The following CELF2 variants were observed in gnomAD, a reference collection of about 807,000 sequenced individuals.
CELF2 encodes CUGBP Elav-like family member 2, also known as CUG triplet repeat RNA-binding protein 2.
CELF2 carries 8 observed loss-of-function variants against 62.6 expected under a neutral mutation model. The observed-to-expected ratio is 0.13, with a 90% CI of 0.07 to 0.23. The LOEUF (loss-of-function observed/expected upper bound fraction) is 0.23. Among genes scored for constraint, CELF2 ranks in the 10% least tolerant of loss-of-function variants. The pLI, the probability that CELF2 is intolerant of heterozygous loss-of-function variation, is 1.00. For missense variants in CELF2, 333 were observed against 671.0 expected (o/e 0.50, Z 5.56); for synonymous variants, 258 against 250.0 (o/e 1.03, Z -0.30).
chr10:11,128,186 A>G (rs149562409), intron 1 of CELF2, among the ~76,000 whole-genome samples: 7,025 of 152,094 alleles, frequency 0.046, 219 homozygotes, highest in Admixed American at 0.092. Context: ...AGATCAGATG[A>G]TTGTAGATGT....
At chr10:10,578,683 G>T in the CELF2 span, among the ~76,000 whole-genome samples, 2 of 152,062 alleles carry the variant, frequency 1.3e-5, no homozygotes, top group African/African-American at 4.8e-5. Context: ...ACCCAAACCT[G>T]CATTTCTCAG....
chr10:10,534,354 A>T, the CELF2 span, among the ~76,000 whole-genome samples: 3 of 152,252 alleles, frequency 2.0e-5, no homozygotes. Flanking sequence ...CAACTCAGAG[A>T]ACATCTTTGA....
chr10:10,489,907 G>A, the CELF2 span, among the ~76,000 whole-genome samples: 1 of 151,996 alleles, frequency 6.6e-6, no homozygotes, highest in Non-Finnish European at 1.5e-5. Flanking sequence ...AGGTTTGGGG[G>A]GAGGGTGGGT....
At chr10:11,238,068 G>A (rs759011467) in intron 3 of CELF2, among the ~76,000 whole-genome samples, 17 of 152,184 alleles carry the variant, frequency 1.1e-4, no homozygotes, top group Non-Finnish European at 2.1e-4. Context: ...CTGATTTAGC[G>A]CCTGGGTAAG....
the CELF2 span, among the ~76,000 whole-genome samples, chr10:10,723,968 T>C: frequency 1.3e-4 from 20 of 152,292 alleles, 1 homozygote; most frequent in East Asian, 2.9e-3. Context: ...TAATCTTTCA[T>C]ATCAATACGT....
chr10:11,287,092 C>T (rs539343853), intron 8 of CELF2, among the ~76,000 whole-genome samples: 1 of 152,288 alleles, frequency 6.6e-6, no homozygotes, highest in East Asian at 1.9e-4. Context: ...AACATTCTCT[C>T]ATCCCTCCAC....
the CELF2 span, among the ~76,000 whole-genome samples, chr10:10,534,607 A>G: frequency 2.6e-5 from 4 of 152,170 alleles, no homozygotes; most frequent in African/African-American, 9.7e-5. Flanking sequence ...CTCCAACTCA[A>G]TTTCTCTTTC....
the CELF2 span, among the ~76,000 whole-genome samples, chr10:10,661,506 A>G: frequency 1.3e-5 from 2 of 152,360 alleles, no homozygotes; most frequent in Non-Finnish European, 2.9e-5. Context: ...ATATATGTCC[A>G]AGGCCTTTTG....
the CELF2 span, among the ~76,000 whole-genome samples, chr10:10,762,506 TG>T: frequency 2.0e-5 from 3 of 152,160 alleles, no homozygotes; most frequent in African/African-American, 7.2e-5. Flanking sequence ...CCCAGGGTCC[TG>T]GAAGGGGAGT....
At chr10:10,829,235 GA>G (rs1351872036) in intron 1 of CELF2, among the ~76,000 whole-genome samples, 2 of 152,134 alleles carry the variant, frequency 1.3e-5, no homozygotes, top group African/African-American at 4.8e-5. Flanking sequence ...CCTTTCTGAT[GA>G]AAGTTGAAAT....
rs2056567760 is a variant in CELF2, at chr10:11,012,143, T to C, written c.53+6703T>C. 6.6e-6 allele frequency among the ~76,000 whole-genome samples: 1 copy of C among 152,188 alleles called. No homozygotes were observed. The highest frequency in any genetic ancestry group is 2.4e-5 in the African/African-American group (1 of 41,458). ...TCATTCCCATTGTCAATCAACTCTTTGACAGAATGAAATGCTGAATCCAAC... is the reference window on the plus strand; with the variant it reads ...TCATTCCCATTGTCAATCAACTCTTCGACAGAATGAAATGCTGAATCCAAC... On this transcript the variant is annotated intron_variant, in intron 1 of 12. Transcript: ENST00000416382. The surrounding 1 kb of genome is among the most constrained non-coding windows in gnomAD (Gnocchi z 5.5).
At chr10:10,850,223 A>G (rs2059300771) in intron 1 of CELF2, among the ~76,000 whole-genome samples, 1 of 152,224 alleles carries the variant, frequency 6.6e-6, no homozygotes, top group Non-Finnish European at 1.5e-5. Flanking sequence ...GTAGTTTAAT[A>G]ATCTCCAGAA....
At chr10:10,730,195 G>T in the CELF2 span, among the ~76,000 whole-genome samples, 20 of 151,992 alleles carry the variant, frequency 1.3e-4, no homozygotes, top group Non-Finnish European at 2.8e-4. Context: ...TGGATCTTTT[G>T]GCTGGGCACA....
the CELF2 span, among the ~76,000 whole-genome samples, chr10:10,522,482 A>G: frequency 6.6e-6 from 1 of 152,242 alleles, no homozygotes; most frequent in Non-Finnish European, 1.5e-5. Context: ...AGCACGTACC[A>G]TCTACAGGGC....
At chr10:10,796,805 T>C (rs1182738218), upstream of CELF2, 1 of 728,588 alleles carries the variant, frequency 1.4e-6, no homozygotes, top group East Asian at 1.3e-4. Flanking sequence ...GTTATGTAAA[T>C]GTTTGCACAT....
chr10:10,572,974 C>T, the CELF2 span, among the ~76,000 whole-genome samples: 2 of 152,316 alleles, frequency 1.3e-5, no homozygotes, highest in African/African-American at 4.8e-5. Flanking sequence ...TACATTCCCA[C>T]CAGCAGTGTA....
In CELF2 at chr10:11,048,929, CAG is replaced by C. The variant is rs758350909; in HGVS notation, c.74+30768_74+30769del. 7.8e-4 allele frequency among the ~76,000 whole-genome samples: 119 copies of C among 152,272 alleles called. 2 individuals carry two copies. The highest frequency in any genetic ancestry group is 1.5e-3 in the Non-Finnish European group (101 of 68,022). ...AACATCATTGGAATTGTCAGGGAAA[CAG>C]AAATTAGGTGTTTTACAGCCCCGTC... On this transcript the variant is annotated intron_variant, in intron 1 of 12. Transcript: ENST00000633077.
At chr10:11,281,553 G>A (rs1379514549) in intron 8 of CELF2, among the ~76,000 whole-genome samples, 4 of 152,202 alleles carry the variant, frequency 2.6e-5, no homozygotes, top group African/African-American at 4.8e-5. Flanking sequence ...CTTGAGCCCC[G>A]GAGTTCCCGA....
chr10:11,017,807 C>T (rs2057489269), upstream of CELF2: 3 of 296,910 alleles, frequency 1.0e-5, no homozygotes, highest in South Asian at 1.3e-4. The surrounding 1 kb of genome is among the most constrained non-coding windows in gnomAD (Gnocchi z 5.5). Flanking sequence ...GAGCCGGGTT[C>T]GGGGCCGCGC....
Sources: gnomAD v4.1 joint callset for allele counts (sites outside exome capture counted in the v4.1 genomes callset) on GRCh38, gnomAD v4.1.1 for gene constraint, Gnocchi (gnomAD v3.1) non-coding constraint, MANE v1.5 for transcripts, NCBI Gene and HGNC (gene_info 2026-07-23, HGNC 2026-07-21) for gene names.